RGN: variants seen among roughly 807,000 people sequenced by gnomAD.
RGN encodes regucalcin.
RGN carries 19 observed loss-of-function variants against 20.6 expected under a neutral mutation model. The observed-to-expected ratio is 0.92, with a 90% CI of 0.64 to 1.35. The LOEUF (loss-of-function observed/expected upper bound fraction) is 1.35, where lower values mean the gene tolerates loss of function less well. Among genes scored for constraint, RGN ranks in the 40% most tolerant of loss-of-function variants. The pLI, the probability that RGN is intolerant of heterozygous loss-of-function variation, is 0.00. For missense variants in RGN, 302 were observed against 232.7 expected (o/e 1.30, Z -1.94); for synonymous variants, 85 against 87.2 (o/e 0.97, Z 0.14).
At chrX:47,090,904 A>G (rs868906894) in intron 5 of RGN, among the ~76,000 whole-genome samples, 9 of 42,811 alleles carry the variant, frequency 2.1e-4, no homozygotes, top group Admixed American at 1.1e-3. Context: ...AAAGAAAGAA[A>G]GAAAGAAGAA....
At chrX:47,088,651 G>A (rs1279861161) in intron 4 of RGN, among the ~76,000 whole-genome samples, 1 of 110,002 alleles carries the variant, frequency 9.1e-6, no homozygotes, top group Non-Finnish European at 1.9e-5. Context: ...AAATCCTTTG[G>A]CCGGGCGCGG....
intron 4 of RGN, chrX:47,087,396 T>C (rs1390821993): frequency 2.7e-5 from 3 of 111,818 alleles, no homozygotes; most frequent in African/African-American, 9.7e-5. Context: ...GAGAATCTGT[T>C]GGAAGCCCTT....
At chrX:47,090,641 G>T (rs1556387182) in intron 5 of RGN, among the ~76,000 whole-genome samples, 1 of 109,498 alleles carries the variant, frequency 9.1e-6, no homozygotes, top group Non-Finnish European at 1.9e-5. Flanking sequence ...AAACAAAAGA[G>T]CAACATTAAT....
intron 3 of RGN, among the ~76,000 whole-genome samples, 169 bp from the exon 4 acceptor site, chrX:47,084,249 A>G (rs1481166777): frequency 2.7e-5 from 3 of 111,501 alleles, no homozygotes; most frequent in Non-Finnish European, 5.7e-5. Flanking sequence ...TTCATACTCA[A>G]CAAATGTACT....
rs1005612580 is a variant in RGN, at chrX:47,078,547, C to G, written c.-798C>G. ...CTGTGCCCACCCGGGGACCCGGGCC[C>G]GTTCAGCCGGGCTGGCTGGTGCGCC... On this transcript the variant is annotated 5_prime_UTR_variant, in exon 1 of 8. Transcript: ENST00000397180. 8.8e-6 allele frequency: 1 copy of G among 113,102 alleles called. No individual in the cohort carries two copies. The highest frequency in any genetic ancestry group is 1.9e-5 in the Non-Finnish European group (1 of 53,387). The allele number at this position is 113,102 out of a possible 1,213,427, so 9.3% of individuals were successfully genotyped here. A position where few individuals can be genotyped will look rare whatever the true frequency, so the allele number is the denominator to read the frequency against.
intron 5 of RGN, among the ~76,000 whole-genome samples, chrX:47,091,463 T>A (rs547246075): frequency 8.9e-6 from 1 of 111,804 alleles, no homozygotes. Context: ...TCTCTCTCCA[T>A]CTGAATGCTT....
chrX:47,089,596 TATACACACACACACAC>T (rs1413969703), intron 4 of RGN, among the ~76,000 whole-genome samples, 164 bp from the exon 5 acceptor site: 112 of 38,880 alleles, frequency 2.9e-3, no homozygotes, highest in South Asian at 0.013. Context: ...TATATATATA[TATACACACACACACAC>T]ACACACACAC....
intron 1 of RGN, among the ~76,000 whole-genome samples, chrX:47,080,083 A>G (rs1416789825): frequency 9.0e-6 from 1 of 111,002 alleles, no homozygotes; most frequent in Non-Finnish European, 1.9e-5. Flanking sequence ...GGGTCTCACT[A>G]TGTTGCCCAC....
chrX:47,090,890 G>GAAGA lies in RGN; in HGVS notation c.563-770_563-767dup, dbSNP rs1178167758. 5.1e-3 allele frequency among the ~76,000 whole-genome samples: 261 copies of GAAGA among 51,480 alleles called. 14 individuals are homozygous for GAAGA. The highest frequency in any genetic ancestry group is 0.022 in the African/African-American group (239 of 10,755). The allele number at this position is 51,480 out of a possible 115,157, so 44.7% of individuals were successfully genotyped here. On this transcript the variant is annotated intron_variant, in intron 5 of 7. Coordinates refer to ENST00000397180, the MANE Select transcript of RGN (RefSeq NM_152869.4). ...AAAAAGAAAGAAAGAAAGAAAAGAA[G>GAAGA]AAGAAAGAAAGAAAGAAAGAAGAAG...
Position 47,080,856 on chromosome X carries a change from G to C in RGN, c.-96G>C. Reference sequence around the variant, plus strand: ...TATTTCAACAGCCAGTTCTCTGAGGGTCACAAACACCAAGGAGTGGAGGTC... The same window carrying C: ...TATTTCAACAGCCAGTTCTCTGAGGCTCACAAACACCAAGGAGTGGAGGTC... On this transcript the variant is annotated 5_prime_UTR_variant, in exon 2 of 8. Coordinates refer to ENST00000397180, the MANE Select transcript of RGN (RefSeq NM_152869.4). 1 of 262,527 alleles carries C rather than the reference G, an allele frequency of 3.8e-6. No individual in the cohort carries two copies. The highest frequency in any genetic ancestry group is 2.8e-5 in the African/African-American group (1 of 36,290). 21.6% of individuals were successfully genotyped at this position (262,527 alleles called of 1,213,427 possible). A position where few individuals can be genotyped will look rare whatever the true frequency, so the allele number is the denominator to read the frequency against.
chrX:47,091,514 A>C (rs1931011755), intron 5 of RGN, among the ~76,000 whole-genome samples, 164 bp from the exon 6 acceptor site: 2 of 112,066 alleles, frequency 1.8e-5, no homozygotes, highest in Admixed American at 1.9e-4. Flanking sequence ...CAATGAATCC[A>C]TCCCAATCAT....
intron 4 of RGN, among the ~76,000 whole-genome samples, chrX:47,089,058 T>C (rs1556385469): frequency 1.2e-5 from 1 of 84,573 alleles, no homozygotes; most frequent in Non-Finnish European, 2.4e-5. Flanking sequence ...CCAAGGCAGG[T>C]GGATTGCTTG....
chrX:47,084,649 C>T, intron 4 of RGN, 49 bp downstream of exon 4: 2 of 1,063,955 alleles, frequency 1.9e-6, no homozygotes, highest in Non-Finnish European at 2.5e-6. Context: ...GGAGGAAATA[C>T]TTTGACATAC....
intron 4 of RGN, 48 bp from the exon 5 acceptor site, chrX:47,089,728 G>T: frequency 2.0e-6 from 2 of 987,791 alleles, no homozygotes; most frequent in East Asian, 3.1e-5. Flanking sequence ...TGTCGTGCAT[G>T]GGGTAAGATG....
chrX:47,080,044 C>G (rs781815745), intron 1 of RGN, among the ~76,000 whole-genome samples: 1 of 111,133 alleles, frequency 9.0e-6, no homozygotes, highest in African/African-American at 3.3e-5. Context: ...CCACTACACC[C>G]GCTAATTTTT....
Position 47,084,447 on chromosome X carries a change from C to T in RGN, c.193C>T (p.Gln65Ter). 2.5e-6 allele frequency: 3 copies of T among 1,204,505 alleles called. No individual in the cohort carries two copies. Among genetic ancestry groups the T allele is most frequent in the Non-Finnish European group, 3.4e-6 (3 of 891,754 alleles). Residue 65 changes from glutamine to a stop codon, truncating the protein, a stop_gained, in exon 4 of 8, where the codon CAG (glutamine) becomes TAG (stop). Coordinates refer to ENST00000397180, the MANE Select transcript of RGN (RefSeq NM_152869.4). LOFTEE classifies it high-confidence loss of function. ...CCCAGTCAGCTCCGTGGCTCTTCGC[C>T]AGTCGGGAGGCTATGTTGCCACCAT... ...DAPVSSVALR[Q>*]SGGYVATIGT...
In RGN at chrX:47,080,753, G is replaced by A. The variant is rs1259766988; in HGVS notation, c.-199G>A. 2 of 130,801 alleles carry A rather than the reference G, an allele frequency of 1.5e-5. No homozygotes were observed. The highest frequency in any genetic ancestry group is 3.0e-5 in the Non-Finnish European group (2 of 66,193). 10.8% of individuals were successfully genotyped at this position (130,801 alleles called of 1,213,427 possible). The stretch of plus-strand genomic sequence containing the variant: ...GAAGGTGCCCTGCAGACACCCAGAG[G>A]GGCCACCAATGAGCAAACTGCCAGC... On this transcript the variant is annotated 5_prime_UTR_variant, in exon 2 of 8. Coordinates refer to ENST00000397180, the MANE Select transcript of RGN (RefSeq NM_152869.4).
chrX:47,092,793 A>C, intron 7 of RGN, 104 bp from the exon 8 acceptor site: 2 of 647,028 alleles, frequency 3.1e-6, no homozygotes, highest in Middle Eastern at 4.3e-4. Flanking sequence ...GATAAAACAA[A>C]GATAATAGGT....
At position 47,092,118 on chromosome X, in the gene RGN, G is replaced by A. The variant is rs781976033; in HGVS notation, c.752G>A (p.Gly251Glu). 4.1e-6 allele frequency: 5 copies of A among 1,205,919 alleles called. No individual in the cohort carries two copies. The highest frequency in any genetic ancestry group is 5.6e-6 in the Non-Finnish European group (5 of 892,597). The stretch of plus-strand genomic sequence containing the variant: ...GATAAAACAACTTCATGCTGCTTTG[G>A]AGGGAAGAATTACTCTGAAATGTAT... Reference protein sequence around the residue: ...PVDKTTSCCFGGKNYSEMYVT... With the variant: ...PVDKTTSCCFEGKNYSEMYVT... The change falls in exon 7 of 8, where the codon GGA becomes GAA. Residue 251 changes from glycine to glutamate, a missense_variant. Coordinates refer to ENST00000397180, the MANE Select transcript of RGN (RefSeq NM_152869.4).
Sources: allele counts gnomAD v4.1 joint callset (sites outside exome capture counted in the v4.1 genomes callset), GRCh38; gene constraint gnomAD v4.1.1; transcripts MANE v1.5; gene names NCBI Gene and HGNC (gene_info 2026-07-23, HGNC 2026-07-21).